The following ESR1 variants were observed in gnomAD, a reference collection of about 807,000 sequenced individuals.
The protein encoded by ESR1 is estrogen receptor.
In ESR1, 12 loss-of-function variants were observed where a neutral mutation model predicts 52.7. The ratio of observed to expected loss-of-function variants is 0.23; its 90% CI spans 0.15 to 0.37. The LOEUF (loss-of-function observed/expected upper bound fraction) is 0.37, where lower values mean the gene tolerates loss of function less well. Among genes scored for constraint, ESR1 ranks in the 10% least tolerant of loss-of-function variants. The pLI, the probability that ESR1 is intolerant of heterozygous loss-of-function variation, is 1.00. For synonymous variants in ESR1, 305 were observed against 316.8 expected (o/e 0.96, Z 0.39); for missense variants, 584 against 779.7 (o/e 0.75, Z 2.99).
intron 2 of ESR1, among the ~76,000 whole-genome samples, chr6:151,742,572 G>A (rs1371481781): frequency 6.6e-6 from 1 of 152,114 alleles, no homozygotes; most frequent in African/African-American, 2.4e-5. Flanking sequence ...TCCTAACTGC[G>A]GAAACTTGGG....
intron 4 of ESR1, among the ~76,000 whole-genome samples, chr6:152,002,911 T>C (rs975518165): frequency 1.3e-5 from 2 of 152,006 alleles, no homozygotes; most frequent in African/African-American, 4.8e-5. Context: ...TTTCATAATA[T>C]CTACATAGCA....
intron 2 of ESR1, among the ~76,000 whole-genome samples, chr6:151,786,529 T>C (rs1398814689): frequency 1.3e-5 from 2 of 152,202 alleles, no homozygotes; most frequent in African/African-American, 2.4e-5. Context: ...CGCTTTTAAA[T>C]GTCAACAACA....
chr6:151,941,827 C>G (rs1262858795), intron 3 of ESR1, among the ~76,000 whole-genome samples: 4 of 152,190 alleles, frequency 2.6e-5, no homozygotes, highest in Non-Finnish European at 5.9e-5. Flanking sequence ...AGTTTCCACA[C>G]CCTGCTTCTA....
At chr6:152,002,223 G>GTGT (rs1554303868) in intron 4 of ESR1, among the ~76,000 whole-genome samples, 20 of 111,218 alleles carry the variant, frequency 1.8e-4, no homozygotes, top group Middle Eastern at 4.4e-3. Flanking sequence ...TGTGTGTGTG[G>GTGT]AATATCTCAC....
At chr6:151,840,171 A>G (rs145889429) in intron 1 of ESR1, among the ~76,000 whole-genome samples, 222 of 152,328 alleles carry the variant, frequency 1.5e-3, no homozygotes, top group African/African-American at 5.1e-3. Context: ...GAATCTATCA[A>G]TTTCATGCTT....
At chr6:152,041,453 T>C (rs1200612945) in intron 5 of ESR1, among the ~76,000 whole-genome samples, 1 of 152,218 alleles carries the variant, frequency 6.6e-6, no homozygotes, top group Non-Finnish European at 1.5e-5. Flanking sequence ...CTTTCTTAGT[T>C]GTAGGAGGGG....
intron 1 of ESR1, among the ~76,000 whole-genome samples, chr6:151,693,233 C>G (rs981339212): frequency 1.3e-5 from 2 of 152,188 alleles, no homozygotes; most frequent in Non-Finnish European, 2.9e-5. Flanking sequence ...GTGCCTGGTA[C>G]TCAATACATG....
intron 5 of ESR1, among the ~76,000 whole-genome samples, chr6:152,018,298 G>GA (rs1011079333): frequency 5.1e-5 from 7 of 137,192 alleles, no homozygotes; most frequent in Admixed American, 1.5e-4. Flanking sequence ...AAATATTTCA[G>GA]AAAAAAAATA....
intron 5 of ESR1, among the ~76,000 whole-genome samples, chr6:152,043,967 G>C (rs893857976): frequency 6.7e-6 from 1 of 149,814 alleles, no homozygotes; most frequent in Admixed American, 6.6e-5. Context: ...GATAAGACTC[G>C]AACCCAGGGC....
chr6:152,066,800 A>G (rs1024782315), intron 6 of ESR1, among the ~76,000 whole-genome samples: 6 of 152,206 alleles, frequency 3.9e-5, no homozygotes, highest in Non-Finnish European at 7.3e-5. Flanking sequence ...ATTCAGGAGA[A>G]GCAACTCTGC....
intron 1 of ESR1, among the ~76,000 whole-genome samples, chr6:151,817,880 C>G (rs2128182675): frequency 6.6e-6 from 1 of 152,258 alleles, no homozygotes; most frequent in African/African-American, 2.4e-5. Context: ...GTACACATAA[C>G]CTCTAGCATT....
chr6:151,708,143 CATA>C (rs1040383347), intron 2 of ESR1, among the ~76,000 whole-genome samples: 4 of 152,176 alleles, frequency 2.6e-5, no homozygotes, highest in African/African-American at 9.6e-5. Context: ...CCTTCTTTAT[CATA>C]AATTGTGGGA....
rs577254103 is a variant in ESR1 at position 151,703,649 on chromosome 6, A to G, written c.-71+1644A>G. On this transcript the variant is annotated intron_variant, in intron 2 of 2. Coordinates refer to the ESR1 transcript ENST00000404742. ...CAGGGAGAGATAATGAAGGAGGGGG[A>G]AAAAAGATTTTAATATAGAAACGAG... 5.9e-5 allele frequency among the ~76,000 whole-genome samples: 9 copies of G among 152,186 alleles called. No individual in the cohort carries two copies. The South Asian group carries it at 1.7e-3, about 28-fold the overall frequency.
intron 1 of ESR1, among the ~76,000 whole-genome samples, chr6:151,684,860 G>A (rs968683205): frequency 4.6e-5 from 7 of 152,158 alleles, no homozygotes; most frequent in Non-Finnish European, 1.0e-4. Context: ...CCCATAGGCA[G>A]GACCCTCTTC....
At chr6:151,973,333 T>C (rs956670262) in intron 4 of ESR1, among the ~76,000 whole-genome samples, 7 of 105,102 alleles carry the variant, frequency 6.7e-5, no homozygotes, top group African/African-American at 1.7e-4. Context: ...TTATATTCTG[T>C]CTGCATTCAA....
intron 6 of ESR1, among the ~76,000 whole-genome samples, chr6:152,064,210 CAG>C (rs2047783339): frequency 6.6e-6 from 1 of 152,184 alleles, no homozygotes; most frequent in African/African-American, 2.4e-5. Flanking sequence ...ACTAGCTGGA[CAG>C]AGCTGAAGTG....
At chr6:151,877,123 T>A (rs575299938) in intron 2 of ESR1, among the ~76,000 whole-genome samples, 3 of 152,242 alleles carry the variant, frequency 2.0e-5, no homozygotes, top group Non-Finnish European at 4.4e-5. Context: ...CTTTTTTTTT[T>A]ATTATACTTT....
intron 4 of ESR1, among the ~76,000 whole-genome samples, chr6:151,965,007 A>G (rs1463295360): frequency 6.6e-6 from 1 of 152,172 alleles, no homozygotes; most frequent in Non-Finnish European, 1.5e-5. Context: ...AAAGAAGTTT[A>G]TGTATTAAGA....
intron 2 of ESR1, among the ~76,000 whole-genome samples, chr6:151,866,961 A>G (rs1332681697): frequency 2.6e-5 from 4 of 152,202 alleles, no homozygotes; most frequent in African/African-American, 9.7e-5. Context: ...AAATAATGCT[A>G]CACATGTACA....
Sources: gnomAD v4.1 joint callset for allele counts (sites outside exome capture counted in the v4.1 genomes callset) on GRCh38, gnomAD v4.1.1 for gene constraint, MANE v1.5 for transcripts, NCBI Gene and HGNC (gene_info 2026-07-23, HGNC 2026-07-21) for gene names.